Variants in BMP2K observed in about 807,000 individuals in gnomAD.
BMP2K encodes the protein BMP-2-inducible protein kinase.
Under a neutral mutation model 116.0 loss-of-function variants are expected in BMP2K, and 74 were observed. That is an observed-to-expected ratio of 0.64 (90% CI 0.53 to 0.77). The LOEUF (loss-of-function observed/expected upper bound fraction) is 0.77. Ranked by LOEUF, BMP2K falls within the 30% of genes least tolerant of loss-of-function variation. The probability of loss-of-function intolerance (pLI) is 0.00; values close to 1 mark genes in which losing one functional copy is unlikely to be tolerated. For missense variants in BMP2K, 1,365 were observed against 1,403.6 expected (o/e 0.97, Z 0.44); for synonymous variants, 486 against 502.5 (o/e 0.97, Z 0.44).
At chr4:78,900,056 C>T (rs948156414) in intron 15 of BMP2K, among the ~76,000 whole-genome samples, 1 of 152,126 alleles carries the variant, frequency 6.6e-6, no homozygotes, top group African/African-American at 2.4e-5. Flanking sequence ...TCTTTCGCCT[C>T]TGCTATCCCT....
At chr4:78,812,075 G>C (rs1022848759) in intron 1 of BMP2K, among the ~76,000 whole-genome samples, 1 of 152,078 alleles carries the variant, frequency 6.6e-6, no homozygotes, top group African/African-American at 2.4e-5. Context: ...CCAGGTTCAA[G>C]TGATTCTCTT....
chr4:78,868,412 G>A (rs1340902618), intron 10 of BMP2K, among the ~76,000 whole-genome samples: 1 of 152,182 alleles, frequency 6.6e-6, no homozygotes. Context: ...TACAATTCAA[G>A]TTGTGATTTG....
intron 1 of BMP2K, among the ~76,000 whole-genome samples, chr4:78,791,076 C>A (rs1727974142): frequency 6.6e-6 from 1 of 152,046 alleles, no homozygotes; most frequent in African/African-American, 2.4e-5. Flanking sequence ...TTGAGGTATA[C>A]CAGTTTATAC....
chr4:78,793,992 T>C (rs1341174425), intron 1 of BMP2K, among the ~76,000 whole-genome samples: 1 of 152,230 alleles, frequency 6.6e-6, no homozygotes, highest in East Asian at 1.9e-4. Context: ...GTGTGCACTT[T>C]GCAGTTGGGG....
Position 78,808,873 on chromosome 4 carries a change from A to T in BMP2K, c.179-17164A>T, listed in dbSNP as rs1314765562. Among the ~76,000 whole-genome samples the T allele has an allele frequency of 2.0e-5, 3 of 152,114 alleles. No individual in the cohort carries two copies. In the East Asian group the frequency reaches 5.8e-4, roughly 29 times the overall value. ...TTATGGAGGCCAGTTTTATGTTCTAACATGCTGTATCCTGGAGAACGTTCT... is the reference window on the plus strand; with the variant it reads ...TTATGGAGGCCAGTTTTATGTTCTATCATGCTGTATCCTGGAGAACGTTCT... On this transcript the variant is annotated intron_variant, in intron 1 of 15. Transcript: ENST00000502613.
intron 3 of BMP2K, among the ~76,000 whole-genome samples, chr4:78,841,956 T>G (rs1730778562): frequency 6.6e-6 from 1 of 152,086 alleles, no homozygotes. Flanking sequence ...TTCTTTCATA[T>G]TATTATGATA....
chr4:78,878,820 T>C lies in BMP2K; in HGVS notation c.1880T>C (p.Phe627Ser). 1 of 1,613,486 alleles carries C rather than the reference T, an allele frequency of 6.2e-7. No individual in the cohort carries two copies. The highest frequency in any genetic ancestry group is 8.5e-7 in the Non-Finnish European group (1 of 1,179,786). ...NPPDMSGWNPFGEDNFSKLTE... is the reference protein window; with the variant it reads ...NPPDMSGWNPSGEDNFSKLTE... ...CCTGATATGTCAGGGTGGAATCCTTTTGGAGAGGATAATTTCTCTAAGTTA... is the reference window on the plus strand; with the variant it reads ...CCTGATATGTCAGGGTGGAATCCTTCTGGAGAGGATAATTTCTCTAAGTTA... The change falls in exon 14 of 16, where the codon TTT becomes TCT. Residue 627 changes from phenylalanine (F) to serine (S), a missense_variant. By Grantham distance (155) the Phe-to-Ser change is radical. Coordinates refer to ENST00000502613, the MANE Select transcript of BMP2K (RefSeq NM_198892.2).
Position 78,911,116 on chromosome 4 carries a change from G to GT in BMP2K, c.2570dup (p.Phe858IlefsTer20). The GT allele has an allele frequency of 6.2e-7, 1 of 1,613,982 alleles. No homozygotes were observed. Among genetic ancestry groups the GT allele is most frequent in the Non-Finnish European group, 8.5e-7 (1 of 1,179,876 alleles). On this transcript the variant is annotated frameshift_variant, in exon 16 of 16. Transcript: ENST00000502613. LOFTEE classifies it high-confidence loss of function. ...GGAGACTCCCAAACAGGAGTTTGAT[G>GT]TATTTGGCGCTGTCCCCTTCTTTGC... is the stretch of plus-strand genomic sequence containing the variant.
chr4:78,911,101 A>G lies in BMP2K; in HGVS notation c.2554A>G (p.Lys852Glu). Residue 852 changes from lysine (K) to glutamate (E), a missense_variant, in exon 16 of 16, where the codon AAA becomes GAA. Lys to Glu is a moderately conservative substitution (Grantham distance 56). Around this residue, in one of 3 missense-constraint regions of BMP2K, gnomAD observed 596 missense variants for 623.2 expected, o/e 0.96. Transcript: ENST00000502613. Reference protein sequence around the residue: ...LSSDVAVETPKQEFDVFGAVP... With the variant: ...LSSDVAVETPEQEFDVFGAVP... The stretch of plus-strand genomic sequence containing the variant: ...CTCTGATGTTGCAGTGGAGACTCCC[A>G]AACAGGAGTTTGATGTATTTGGCGC... The G allele has an allele frequency of 6.2e-7, 1 of 1,613,982 alleles. No individual in the cohort carries two copies. The highest frequency in any genetic ancestry group is 1.1e-5 in the South Asian group (1 of 91,086).
chr4:78,910,519 G>A, intron 15 of BMP2K, 91 bp from the exon 16 acceptor site: 1 of 1,069,054 alleles, frequency 9.4e-7, no homozygotes, highest in South Asian at 1.8e-5. Context: ...TGAGGGATTT[G>A]TAATGCCATG....
At chr4:78,812,335 G>T (rs1287782598) in intron 1 of BMP2K, among the ~76,000 whole-genome samples, 2 of 152,132 alleles carry the variant, frequency 1.3e-5, no homozygotes. Context: ...TATAAATGAT[G>T]ATAGATCTTA....
chr4:78,801,479 G>A (rs944055836), intron 1 of BMP2K, among the ~76,000 whole-genome samples: 2 of 151,638 alleles, frequency 1.3e-5, no homozygotes, highest in Admixed American at 6.6e-5. Context: ...CTTAACAGTC[G>A]CTATGTATTG....
chr4:78,840,713 A>G (rs1730715999), intron 3 of BMP2K, among the ~76,000 whole-genome samples: 1 of 152,120 alleles, frequency 6.6e-6, no homozygotes. Flanking sequence ...TTTGAAATTC[A>G]GCCCAAATAT....
Position 78,842,532 on chromosome 4 carries a change from G to A in BMP2K, c.546+5G>A. On this transcript the variant is annotated splice_donor_5th_base_variant and intron_variant, in intron 4 of 15. Coordinates refer to ENST00000502613, the MANE Select transcript of BMP2K (RefSeq NM_198892.2). ...ATAATTCACCGGGATCTGAAGGTAA[G>A]AACTTTAGAATTCCTATGGATTAAG... The A allele has an allele frequency of 1.3e-6, 2 of 1,565,038 alleles. No homozygotes were observed. The highest frequency in any genetic ancestry group is 1.7e-6 in the Non-Finnish European group (2 of 1,146,486).
rs1733145140 is a variant in BMP2K at position 78,887,235 on chromosome 4, C to T, written c.2013C>T (p.Asn671=). Residue 671 remains asparagine, a synonymous_variant, in exon 15 of 16, where the codon AAC becomes AAT. Coordinates refer to ENST00000502613, the MANE Select transcript of BMP2K (RefSeq NM_198892.2). The stretch of plus-strand genomic sequence containing the variant: ...TAGACTCACTTTCTGCTCCACATAA[C>T]CATCCTCCAGAAGATCCTTTTGGTT... ...KNVDSLSAPH[N]HPPEDPFGSV... is the part of the protein sequence containing the mutation. 1 of 1,611,826 alleles carries T rather than the reference C, an allele frequency of 6.2e-7. No homozygotes were observed. Among genetic ancestry groups the T allele is most frequent in the Non-Finnish European group, 8.5e-7 (1 of 1,178,978 alleles).
At chr4:78,850,881 T>G in intron 6 of BMP2K, 43 bp from the exon 7 acceptor site, 1 of 1,594,526 alleles carries the variant, frequency 6.3e-7, no homozygotes, top group South Asian at 1.1e-5. Context: ...TTGTGTCTTG[T>G]TAACTTGAGC....
intron 1 of BMP2K, among the ~76,000 whole-genome samples, chr4:78,823,622 ATATATAGT>A (rs1283178004): frequency 6.7e-6 from 1 of 148,764 alleles, no homozygotes; most frequent in Non-Finnish European, 1.5e-5. Flanking sequence ...GTGTATATAT[ATATATAGT>A]TATATAGTTA....
Position 78,844,977 on chromosome 4 carries a change from T to A in BMP2K, c.596T>A (p.Phe199Tyr). The A allele has an allele frequency of 1.9e-6, 3 of 1,600,232 alleles. No individual in the cohort carries two copies. Among genetic ancestry groups the A allele is most frequent in the Non-Finnish European group, 8.6e-7 (1 of 1,168,814 alleles). Residue 199 changes from phenylalanine to tyrosine, a missense_variant, in exon 5 of 16, where the codon TTT becomes TAT. By Grantham distance (22) the Phe-to-Tyr change is conservative (BLOSUM62 3). Around this residue, in one of 3 missense-constraint regions of BMP2K, gnomAD observed 762 missense variants for 756.7 expected, o/e 1.01. Coordinates refer to ENST00000502613, the MANE Select transcript of BMP2K (RefSeq NM_198892.2). Reference protein sequence around the residue: ...NDGGNYVLCDFGSATNKFLNP... With the variant: ...NDGGNYVLCDYGSATNKFLNP... ...GGTGGGAACTATGTACTTTGTGACT[T>A]TGGCAGTGCCACTAATAAATTTCTT...
chr4:78,830,563 A>G (rs546195609), intron 2 of BMP2K, among the ~76,000 whole-genome samples: 1 of 152,318 alleles, frequency 6.6e-6, no homozygotes, highest in South Asian at 2.1e-4. Flanking sequence ...TCTTCCTCCA[A>G]TAGAAGGCTG....
Sources: gnomAD v4.1 joint callset for allele counts (sites outside exome capture counted in the v4.1 genomes callset) on GRCh38, gnomAD v4.1.1 for gene constraint, gnomAD v4.1.1 regional missense constraint, MANE v1.5 for transcripts, NCBI Gene and HGNC (gene_info 2026-07-23, HGNC 2026-07-21) for gene names.